Variants in TMEM178B observed in about 807,000 individuals in gnomAD.
TMEM178B encodes transmembrane protein 178B.
A neutral mutation model predicts 31.0 loss-of-function variants in TMEM178B; 5 were observed. That is an observed-to-expected ratio of 0.16 (90% CI 0.08 to 0.34). TMEM178B has a LOEUF of 0.34. Among genes scored for constraint, TMEM178B ranks in the 10% least tolerant of loss-of-function variants. The pLI is 1.00. For synonymous variants in TMEM178B, 164 were observed against 164.0 expected (o/e 1.00, Z 0.00); for missense variants, 275 against 400.3 (o/e 0.69, Z 2.67).
chr7:141,298,528 C>T (rs1455298814), intron 2 of TMEM178B, among the ~76,000 whole-genome samples: 1 of 152,184 alleles, frequency 6.6e-6, no homozygotes, highest in Non-Finnish European at 1.5e-5. Context: ...CTTGTGCAGA[C>T]CAACATTGGG....
chr7:141,204,993 A>T (rs912876033), intron 1 of TMEM178B, among the ~76,000 whole-genome samples: 3 of 151,934 alleles, frequency 2.0e-5, no homozygotes, highest in African/African-American at 7.3e-5. Flanking sequence ...GCTAATTTTT[A>T]AAAGTTTTTT....
intron 1 of TMEM178B, among the ~76,000 whole-genome samples, chr7:141,112,334 C>T (rs1271496651): frequency 1.3e-5 from 2 of 152,134 alleles, no homozygotes; most frequent in East Asian, 1.9e-4. Context: ...CTCACTGTAG[C>T]CTTGATTTCC....
chr7:141,162,278 C>T (rs985385733), intron 1 of TMEM178B, among the ~76,000 whole-genome samples: 1 of 152,238 alleles, frequency 6.6e-6, no homozygotes, highest in African/African-American at 2.4e-5. Context: ...TCACCTTGTT[C>T]CGCTCATGTT....
At chr7:141,438,468 A>G (rs987649418) in intron 3 of TMEM178B, among the ~76,000 whole-genome samples, 1 of 151,802 alleles carries the variant, frequency 6.6e-6, no homozygotes, top group Admixed American at 6.6e-5. Context: ...TTCAGTCCCA[A>G]GCTGAAGTTG....
chr7:141,254,872 A>G (rs186106187), intron 2 of TMEM178B, among the ~76,000 whole-genome samples: 199 of 152,360 alleles, frequency 1.3e-3, no homozygotes, highest in Non-Finnish European at 1.2e-3. Context: ...GGTGATAAAT[A>G]AAAATCTGTA....
chr7:141,074,272 C>T lies in TMEM178B; in HGVS notation c.-39C>T. ...GGTGCGGCGAGGGAAGGCGAGGCTG[C>T]GGCGGATCATGCCCATGGTGTAGCC... On this transcript the variant is annotated 5_prime_UTR_variant, in exon 1 of 4. Coordinates refer to ENST00000565468, the MANE Select transcript of TMEM178B (RefSeq NM_001195278.2). This position sits in a 1 kb window ranked among gnomAD's most constrained non-coding sequence, Gnocchi z 5.1. 1.4e-6 allele frequency: 2 copies of T among 1,463,736 alleles called. No individual in the cohort carries two copies. The highest frequency in any genetic ancestry group is 1.8e-6 in the Non-Finnish European group (2 of 1,109,204). The allele number at this position is 1,463,736 out of a possible 1,614,324, so 90.7% of individuals were successfully genotyped here.
At chr7:141,273,088 C>A (rs571255049) in intron 2 of TMEM178B, among the ~76,000 whole-genome samples, 1 of 152,084 alleles carries the variant, frequency 6.6e-6, no homozygotes, top group African/African-American at 2.4e-5. Flanking sequence ...CATGTATAAA[C>A]GTGGAGAACA....
chr7:141,074,175 C>T lies in TMEM178B; in HGVS notation c.-136C>T, dbSNP rs1324019811. 3.9e-6 allele frequency: 5 copies of T among 1,290,692 alleles called. No homozygotes were observed. Among genetic ancestry groups the T allele is most frequent in the South Asian group, 3.5e-5 (2 of 57,600 alleles). The allele number at this position is 1,290,692 out of a possible 1,614,324, so 80.0% of individuals were successfully genotyped here. On this transcript the variant is annotated 5_prime_UTR_variant, in exon 1 of 4. Coordinates refer to ENST00000565468, the MANE Select transcript of TMEM178B (RefSeq NM_001195278.2). The surrounding 1 kb of genome is among the most constrained non-coding windows in gnomAD (Gnocchi z 5.1). ...CGGGCCGTGCTCCGGTAGGCGGGGG[C>T]CGAGGGGGCGCCGCGGCGCGAGTCC...
At chr7:141,418,158 A>G (rs902112618) in intron 2 of TMEM178B, among the ~76,000 whole-genome samples, 1 of 152,170 alleles carries the variant, frequency 6.6e-6, no homozygotes, top group African/African-American at 2.4e-5. Context: ...TAAGTCTTAC[A>G]TCCTTTATAA....
rs369265301 is a variant in TMEM178B, at chr7:141,376,032, C to T, written c.497-61576C>T. ...GGGACCTATCTTAATCTTTGTAAGC[C>T]GAAGCAAGTTTCTATTTTATATTTG... On this transcript the variant is annotated intron_variant, in intron 2 of 3. Transcript: ENST00000565468. Among the ~76,000 whole-genome samples the T allele has an allele frequency of 1.1e-3, 171 of 152,284 alleles. 1 individual carries two copies. The South Asian group carries it at 0.019, about 17-fold the overall frequency.
chr7:141,313,163 G>C (rs916154517), intron 2 of TMEM178B, among the ~76,000 whole-genome samples: 4 of 152,128 alleles, frequency 2.6e-5, no homozygotes, highest in Non-Finnish European at 5.9e-5. Context: ...TTAAAAATCA[G>C]AAAAAAGTGA....
intron 2 of TMEM178B, among the ~76,000 whole-genome samples, chr7:141,287,941 T>C (rs905002241): frequency 1.3e-5 from 2 of 152,236 alleles, no homozygotes; most frequent in African/African-American, 4.8e-5. Context: ...CATTAAATTA[T>C]CTTCTCTGAG....
rs552749765 is a variant in TMEM178B at position 141,100,026 on chromosome 7, A to G, written c.382+25334A>G. On this transcript the variant is annotated intron_variant, in intron 1 of 3. Coordinates refer to ENST00000565468, the MANE Select transcript of TMEM178B (RefSeq NM_001195278.2). ...AGTAGAGATGGGGTTTCACCATGTT[A>G]GCCAGGATGGTCTCGATCTCCTGAC... Among the ~76,000 whole-genome samples the G allele has an allele frequency of 9.9e-5, 15 of 152,082 alleles. No individual in the cohort carries two copies. The East Asian group carries it at 1.4e-3, about 14-fold the overall frequency.
At chr7:141,096,266 C>G (rs1794959704) in intron 1 of TMEM178B, among the ~76,000 whole-genome samples, 1 of 152,204 alleles carries the variant, frequency 6.6e-6, no homozygotes, top group Non-Finnish European at 1.5e-5. Flanking sequence ...CTATTTTACT[C>G]AGCATTCTCT....
At chr7:141,160,321 T>C (rs1392178716) in intron 1 of TMEM178B, among the ~76,000 whole-genome samples, 2 of 152,154 alleles carry the variant, frequency 1.3e-5, no homozygotes, top group Non-Finnish European at 2.9e-5. Flanking sequence ...TGCTGGGCCC[T>C]GGTACACAGT....
intron 1 of TMEM178B, among the ~76,000 whole-genome samples, chr7:141,164,749 G>A (rs890149575): frequency 6.6e-6 from 1 of 152,080 alleles, no homozygotes; most frequent in African/African-American, 2.4e-5. Flanking sequence ...AGAAAAAGAG[G>A]TTTGCAACTA....
chr7:141,103,477 C>T (rs1795091439), intron 1 of TMEM178B, among the ~76,000 whole-genome samples: 1 of 152,324 alleles, frequency 6.6e-6, no homozygotes, highest in Middle Eastern at 3.4e-3. Context: ...TATCATATTA[C>T]ACTATAATCT....
chr7:141,250,996 G>A (rs1797823169), intron 2 of TMEM178B, among the ~76,000 whole-genome samples: 1 of 152,004 alleles, frequency 6.6e-6, no homozygotes, highest in Admixed American at 6.6e-5. Context: ...CTTTTCCTTT[G>A]CATTCAACTC....
At chr7:141,507,020 T>C in the TMEM178B span, among the ~76,000 whole-genome samples, 1 of 152,188 alleles carries the variant, frequency 6.6e-6, no homozygotes, top group Non-Finnish European at 1.5e-5. Flanking sequence ...GCAACACTGA[T>C]ACAAGAGGTG....
Sources: gnomAD v4.1 joint callset for allele counts (sites outside exome capture counted in the v4.1 genomes callset) on GRCh38, gnomAD v4.1.1 for gene constraint, Gnocchi (gnomAD v3.1) non-coding constraint, MANE v1.5 for transcripts, NCBI Gene and HGNC (gene_info 2026-07-23, HGNC 2026-07-21) for gene names.